The following IQSEC2 variants were observed in gnomAD, a reference collection of about 807,000 sequenced individuals.
IQSEC2 encodes the protein IQ motif and SEC7 domain-containing protein 2.
Under a neutral mutation model 74.6 loss-of-function variants are expected in IQSEC2, and 6 were observed. The ratio of observed to expected loss-of-function variants is 0.08; its 90% CI spans 0.04 to 0.16. The LOEUF is 0.16. Among genes scored for constraint, IQSEC2 ranks in the 10% least tolerant of loss-of-function variants. IQSEC2 has a pLI of 1.00. For synonymous variants in IQSEC2, 494 were observed against 544.5 expected, an observed-to-expected ratio of 0.91 and a Z score of 1.29; for missense variants, 734 against 1,306.2, an observed-to-expected ratio of 0.56 and a Z score of 6.75.
intron 1 of IQSEC2, among the ~76,000 whole-genome samples, chrX:53,299,821 G>A (rs975872373): frequency 9.0e-6 from 1 of 111,112 alleles, no homozygotes; most frequent in Admixed American, 9.5e-5. Flanking sequence ...TGTGAGCATC[G>A]CTCACAGCCT....
chrX:53,302,944 T>C (rs2075225163), intron 1 of IQSEC2, among the ~76,000 whole-genome samples: 1 of 111,702 alleles, frequency 9.0e-6, no homozygotes, highest in African/African-American at 3.3e-5. Context: ...GGTGTGTGCC[T>C]ATAGTCCCAG....
chrX:53,298,331 A>T (rs781834501), intron 1 of IQSEC2, among the ~76,000 whole-genome samples: 1 of 109,772 alleles, frequency 9.1e-6, no homozygotes, highest in East Asian at 2.9e-4. Context: ...AAACCTTTAG[A>T]TCTTATATAC....
downstream of IQSEC2, chrX:53,229,693 C>CA (rs1326947405): frequency 1.9e-5 from 2 of 106,398 alleles, no homozygotes; most frequent in Non-Finnish European, 3.9e-5. Flanking sequence ...GACCCTGTCT[C>CA]AAAAAAGAAA....
Position 53,250,923 on chromosome X carries a change from G to A in IQSEC2, c.1653C>T (p.Leu551=), listed in dbSNP as rs782763345. 6.6e-6 allele frequency: 8 copies of A among 1,208,842 alleles called. No homozygotes were observed. Among genetic ancestry groups the A allele is most frequent in the Admixed American group, 2.2e-5 (1 of 45,868 alleles). ...ATGGCACTGGTGGAGGAACTGGCGG[G>A]AGAGGGGCTGGCGCCCAGAACTCGG... ...GRPEFWAPAP[L]PPVPPPVPSG... Residue 551 remains leucine, a synonymous_variant, in exon 5 of 15, where the codon CTC becomes CTT. Coordinates refer to ENST00000642864, the MANE Select transcript of IQSEC2 (RefSeq NM_001111125.3).
chrX:53,236,408 C>T lies in IQSEC2; in HGVS notation c.3365G>A (p.Arg1122His), dbSNP rs868984872. The change falls in exon 13 of 15, where the codon CGC becomes CAC. Residue 1122 changes from arginine (R) to histidine (H), a missense_variant. Arg to His is a conservative substitution (Grantham distance 29, BLOSUM62 0). Transcript: ENST00000642864. ...CCCGTAAGTGTCCTCCAGGCTACTG[C>T]GGGCCATCGTCCCATTCACTGAGTC... ...AKDSVNGTMA[R>H]SSLEDTYGAG... 17 of 1,204,765 alleles carry T rather than the reference C, an allele frequency of 1.4e-5. No homozygotes were observed. Among genetic ancestry groups the T allele is most frequent in the Non-Finnish European group, 1.6e-5 (14 of 891,604 alleles).
rs1360778574 is a variant in IQSEC2, at chrX:53,233,684, A to G, written c.*535T>C. ...AATGGTCCGTGTCCTCCAGCAGGCA[A>G]AAAGACACATGGAAGTGTGTGGCCA... On this transcript the variant is annotated 3_prime_UTR_variant, in exon 15 of 15. Transcript: ENST00000642864. The G allele has an allele frequency of 3.5e-6, 1 of 284,271 alleles. No homozygotes were observed. 23.4% of individuals were successfully genotyped at this position (284,271 alleles called of 1,213,427 possible). A position where few individuals can be genotyped will look rare whatever the true frequency, so the allele number is the denominator to read the frequency against.
Position 53,248,698 on chromosome X carries a change from C to T in IQSEC2, c.2459+23G>A, listed in dbSNP as rs202176667. 1.1e-5 allele frequency: 13 copies of T among 1,205,317 alleles called. No homozygotes were observed. The East Asian group carries it at 3.9e-4, about 36-fold the overall frequency. On this transcript the variant is annotated intron_variant, in intron 6 of 14. Coordinates refer to ENST00000642864, the MANE Select transcript of IQSEC2 (RefSeq NM_001111125.3). ...CTTTTCCAGGAATCCCTGGCCCAGC[C>T]TGCCCCATCCTGGGGTCCTCACTCC...
At chrX:53,275,728 CTT>C (rs1219701474) in intron 2 of IQSEC2, among the ~76,000 whole-genome samples, 3 of 81,696 alleles carry the variant, frequency 3.7e-5, no homozygotes, top group African/African-American at 4.7e-5. Flanking sequence ...TGCCCTCATT[CTT>C]TTTTTTTTTT....
intron 13 of IQSEC2, 135 bp downstream of exon 13, chrX:53,236,187 G>A (rs2074126633): frequency 1.1e-5 from 8 of 749,857 alleles, no homozygotes; most frequent in African/African-American, 2.1e-5. Context: ...GTGGCGCAGC[G>A]CCCAGGGCTC....
At chrX:53,253,093 G>A (rs1556864144) in intron 4 of IQSEC2, among the ~76,000 whole-genome samples, 1 of 112,244 alleles carries the variant, frequency 8.9e-6, no homozygotes, top group East Asian at 2.8e-4. Context: ...GCTCCAAGGA[G>A]GCATGCCCAG....
rs1023175636 is a variant in IQSEC2, at chrX:53,242,056, C to G, written c.2890-147G>C. 1.6e-5 allele frequency: 11 copies of G among 677,807 alleles called. No individual in the cohort carries two copies. The Admixed American group carries it at 2.7e-4, about 16-fold the overall frequency. 55.9% of individuals were successfully genotyped at this position (677,807 alleles called of 1,213,427 possible). A position where few individuals can be genotyped will look rare whatever the true frequency, so the allele number is the denominator to read the frequency against. On this transcript the variant is annotated intron_variant, in intron 9 of 14. Coordinates refer to ENST00000642864, the MANE Select transcript of IQSEC2 (RefSeq NM_001111125.3). ...GGGGTATCAGCAACTAAGACCTAAA[C>G]TTATCTGCTACCTTGCCTTTGCCCT...
intron 2 of IQSEC2, among the ~76,000 whole-genome samples, chrX:53,270,125 C>T (rs1331117909): frequency 1.8e-5 from 2 of 110,907 alleles, no homozygotes; most frequent in Non-Finnish European, 3.8e-5. Context: ...GGGCCTTCAG[C>T]TCTCATAGGG....
chrX:53,279,596 C>G, intron 2 of IQSEC2: 3 of 1,203,839 alleles, frequency 2.5e-6, no homozygotes, highest in Non-Finnish European at 3.4e-6. Context: ...AGGGGGTAAG[C>G]TTCATGGAGT....
chrX:53,272,984 C>G (rs1288160647), intron 2 of IQSEC2, among the ~76,000 whole-genome samples: 1 of 111,563 alleles, frequency 9.0e-6, no homozygotes, highest in Non-Finnish European at 1.9e-5. Context: ...ATCCTAAAGA[C>G]AGCCCTAAGA....
At chrX:53,313,924 G>A (rs920057851) in intron 1 of IQSEC2, among the ~76,000 whole-genome samples, 3 of 112,485 alleles carry the variant, frequency 2.7e-5, no homozygotes, top group Admixed American at 9.4e-5. Flanking sequence ...GCTGGTGAGC[G>A]TGAGAAGAGA....
intron 2 of IQSEC2, among the ~76,000 whole-genome samples, chrX:53,275,993 G>A (rs1460469250): frequency 6.3e-5 from 7 of 110,499 alleles, no homozygotes; most frequent in Admixed American, 3.9e-4. Flanking sequence ...GAGCCACCAC[G>A]CCCAGCCACC....
chrX:53,267,849 G>C (rs1438086482), intron 2 of IQSEC2, among the ~76,000 whole-genome samples: 1 of 112,018 alleles, frequency 8.9e-6, no homozygotes, highest in Non-Finnish European at 1.9e-5. Context: ...ACTGTTGCAA[G>C]AACTAGAACA....
In IQSEC2 at chrX:53,280,200, G is replaced by A. The variant is rs369874609; in HGVS notation, c.737+11695C>T. On this transcript the variant is annotated intron_variant, in intron 2 of 14. Transcript: ENST00000642864. ...TAGGGAGGACGGGAGGGGAAGGGGG[G>A]ATGAAAGAGAAGGGGGAAAGATGCA... 6.0e-4 allele frequency among the ~76,000 whole-genome samples: 48 copies of A among 80,503 alleles called. No homozygotes were observed. The East Asian group carries it at 0.017, about 28-fold the overall frequency. 69.9% of individuals were successfully genotyped at this position (80,503 alleles called of 115,157 possible).
chrX:53,319,859 C>A (rs2075411700), intron 1 of IQSEC2, among the ~76,000 whole-genome samples: 1 of 110,848 alleles, frequency 9.0e-6, no homozygotes, highest in Non-Finnish European at 1.9e-5. Context: ...TTGCTCCCCC[C>A]GGCCAGAATG....
Sources: gnomAD v4.1 joint callset for allele counts (sites outside exome capture counted in the v4.1 genomes callset) on GRCh38, gnomAD v4.1.1 for gene constraint, MANE v1.5 for transcripts, NCBI Gene and HGNC (gene_info 2026-07-23, HGNC 2026-07-21) for gene names.